The following CA3 variants were observed in gnomAD, a reference collection of about 807,000 sequenced individuals.
CA3 encodes the protein carbonic anhydrase 3.
A neutral mutation model predicts 35.7 loss-of-function variants in CA3; 30 were observed. The observed-to-expected ratio is 0.84, with a 90% CI of 0.63 to 1.14. The LOEUF (loss-of-function observed/expected upper bound fraction) is 1.14. CA3 is among the 50% of genes most tolerant of loss of function. The pLI is 0.00. For synonymous variants in CA3, 131 were observed against 130.8 expected (o/e 1.00, Z -0.01); for missense variants, 295 against 328.5 (o/e 0.90, Z 0.79).
chr8:85,448,222 C>A lies in CA3; in HGVS notation c.*69C>A. On this transcript the variant is annotated 3_prime_UTR_variant, in exon 7 of 7. Transcript: ENST00000285381. Reference sequence around the variant, plus strand: ...GGAGAGCTTGGTTCCTTGCCTCCTTCTGGTGCTCCTTACTCCAAGTCTATT... The same window carrying A: ...GGAGAGCTTGGTTCCTTGCCTCCTTATGGTGCTCCTTACTCCAAGTCTATT... The A allele has an allele frequency of 6.9e-7, 1 of 1,442,604 alleles. No homozygotes were observed. Among genetic ancestry groups the A allele is most frequent in the Non-Finnish European group, 9.2e-7 (1 of 1,084,060 alleles). 89.4% of individuals were successfully genotyped at this position (1,442,604 alleles called of 1,614,324 possible). A position where few individuals can be genotyped will look rare whatever the true frequency, so the allele number is the denominator to read the frequency against.
At chr8:85,440,313 C>T (rs556372895) in intron 2 of CA3, among the ~76,000 whole-genome samples, 1 of 152,258 alleles carries the variant, frequency 6.6e-6, no homozygotes, top group Non-Finnish European at 1.5e-5. Flanking sequence ...TCTACAAAGC[C>T]AGATATACAA....
chr8:85,448,297 C>A lies in CA3; in HGVS notation c.*144C>A. On this transcript the variant is annotated 3_prime_UTR_variant, in exon 7 of 7. Transcript: ENST00000285381. Reference sequence around the variant, plus strand: ...ATGTGAGAGATGTGGTCACCAAGATCTAAGTTACTTGTTGAAAGAAAGTTA... The same window carrying A: ...ATGTGAGAGATGTGGTCACCAAGATATAAGTTACTTGTTGAAAGAAAGTTA... 1.4e-6 allele frequency: 1 copy of A among 735,110 alleles called. No homozygotes were observed. The highest frequency in any genetic ancestry group is 2.0e-6 in the Non-Finnish European group (1 of 498,176). 45.5% of individuals were successfully genotyped at this position (735,110 alleles called of 1,614,324 possible). A position where few individuals can be genotyped will look rare whatever the true frequency, so the allele number is the denominator to read the frequency against.
rs1233390070 is a variant in CA3, at chr8:85,442,339, G to A, written c.351+148G>A. On this transcript the variant is annotated intron_variant, in intron 3 of 6. Transcript: ENST00000285381. Reference sequence around the variant, plus strand: ...GAGCTGTACTAGTTTTAGCTGAACTGAAGCTGCTGAACATTCTAGGCTAGA... The same window carrying A: ...GAGCTGTACTAGTTTTAGCTGAACTAAAGCTGCTGAACATTCTAGGCTAGA... 14 of 629,336 alleles carry A rather than the reference G, an allele frequency of 2.2e-5. 1 individual carries two copies. Among genetic ancestry groups the A allele is most frequent in the Non-Finnish European group, 2.9e-5 (10 of 348,178 alleles). 39.0% of individuals were successfully genotyped at this position (629,336 alleles called of 1,614,324 possible). A position where few individuals can be genotyped will look rare whatever the true frequency, so the allele number is the denominator to read the frequency against.
At chr8:85,441,791 T>C (rs977342528) in intron 2 of CA3, 2 of 381,474 alleles carry the variant, frequency 5.2e-6, no homozygotes, top group South Asian at 2.6e-5. Flanking sequence ...CCTCATTGTC[T>C]ATCTGTTGTT....
rs1334309021 is a variant in CA3, at chr8:85,438,892, G to GCAC, written c.-17_-15dup. The GCAC allele has an allele frequency of 1.3e-6, 2 of 1,550,862 alleles. No homozygotes were observed. The highest frequency in any genetic ancestry group is 1.7e-6 in the Non-Finnish European group (2 of 1,146,978). On this transcript the variant is annotated 5_prime_UTR_variant, in exon 1 of 7. Transcript: ENST00000285381. The stretch of plus-strand genomic sequence containing the variant: ...GGGAAGAGAAAGCAGGAGCCGTCCA[G>GCAC]CACGGAGGAAGGCGACCATGGCCAA...
At chr8:85,439,042 A>G in intron 1 of CA3, 99 bp downstream of exon 1, 1 of 1,179,826 alleles carries the variant, frequency 8.5e-7, no homozygotes, top group African/African-American at 1.5e-5. Context: ...TGCAGTGGAA[A>G]ATGTAGGAGT....
At chr8:85,445,044 T>A in intron 4 of CA3, 112 bp from the exon 5 acceptor site, 1 of 634,376 alleles carries the variant, frequency 1.6e-6, no homozygotes, top group Non-Finnish European at 2.8e-6. Flanking sequence ...CGAGATATTC[T>A]GGCAGATTTA....
intron 1 of CA3, among the ~76,000 whole-genome samples, chr8:85,439,391 G>A (rs758374632): frequency 6.6e-6 from 1 of 152,170 alleles, no homozygotes; most frequent in Non-Finnish European, 1.5e-5. Context: ...ATGCTCAAAT[G>A]TAGGTGGTCA....
At chr8:85,443,088 G>A (rs942825761) in intron 3 of CA3, among the ~76,000 whole-genome samples, 1 of 152,030 alleles carries the variant, frequency 6.6e-6, no homozygotes, top group African/African-American at 2.4e-5. Context: ...GCATATATAT[G>A]TGTGTGTGTA....
chr8:85,440,433 G>A (rs1020320790), intron 2 of CA3, among the ~76,000 whole-genome samples: 2 of 152,206 alleles, frequency 1.3e-5, no homozygotes, highest in Admixed American at 6.5e-5. Context: ...CAAGCCTTCA[G>A]TGGGGTTCAT....
intron 5 of CA3, among the ~76,000 whole-genome samples, chr8:85,445,854 A>T (rs181655091): frequency 5.1e-4 from 77 of 152,322 alleles, no homozygotes; most frequent in African/African-American, 1.8e-3. Flanking sequence ...CACTTGAGAT[A>T]TCAGTTTCTC....
chr8:85,445,167 G>A lies in CA3; in HGVS notation c.456G>A (p.Glu152=), dbSNP rs756251063. 9 of 1,605,880 alleles carry A rather than the reference G, an allele frequency of 5.6e-6. No homozygotes were observed. Among genetic ancestry groups the A allele is most frequent in the Admixed American group, 1.7e-5 (1 of 59,336 alleles). ...VIGIFLKIGH[E]NGEFQIFLDA... ...CTGTTTTCTTACAGATAGGACATGA[G>A]AATGGCGAGTTCCAGATTTTCCTTG... Residue 152 remains glutamate (E), a synonymous_variant, in exon 5 of 7, where the codon GAG becomes GAA. Coordinates refer to ENST00000285381, the MANE Select transcript of CA3 (RefSeq NM_005181.4).
Position 85,443,636 on chromosome 8 carries a change from T to C in CA3, c.352-398T>C, listed in dbSNP as rs190793940. ...TACAGATGCAGGCAAGGCTTTCAGT[T>C]TGACCTTTGCACATGGGATTATTTC... On this transcript the variant is annotated intron_variant, in intron 3 of 6. Transcript: ENST00000285381. Among the ~76,000 whole-genome samples, 850 of 152,312 alleles carry C rather than the reference T, an allele frequency of 5.6e-3. 8 individuals are homozygous for C. Among genetic ancestry groups the C allele is most frequent in the African/African-American group, 0.019 (803 of 41,578 alleles).
At chr8:85,442,352 A>G in intron 3 of CA3, 161 bp downstream of exon 3, 1 of 608,760 alleles carries the variant, frequency 1.6e-6, no homozygotes, top group African/African-American at 1.8e-5. Context: ...GCTGCTGAAC[A>G]TTCTAGGCTA....
At chr8:85,444,607 G>GT (rs1478335666) in intron 4 of CA3, among the ~76,000 whole-genome samples, 9 of 152,206 alleles carry the variant, frequency 5.9e-5, no homozygotes, top group Non-Finnish European at 7.3e-5. Context: ...CATGGAATGT[G>GT]TGTGTTGTTG....
In CA3 at chr8:85,442,131, G is replaced by A. The variant is rs1811216458; in HGVS notation, c.291G>A (p.Trp97Ter). The change falls in exon 3 of 7, where the codon TGG becomes TGA. Residue 97 changes from tryptophan to a stop codon, truncating the protein, a stop_gained. Transcript: ENST00000285381. LOFTEE classifies it high-confidence loss of function. ...GACTTCGCCAGTTTCATCTTCACTG[G>A]GGCTCTTCGGATGATCATGGCTCTG... ...PYRLRQFHLH[W>*]GSSDDHGSEH... 5 of 1,612,186 alleles carry A rather than the reference G, an allele frequency of 3.1e-6. No individual in the cohort carries two copies. The highest frequency in any genetic ancestry group is 3.4e-6 in the Non-Finnish European group (4 of 1,178,266).
chr8:85,442,319 G>A (rs1217696459), intron 3 of CA3, 128 bp downstream of exon 3: 24 of 680,500 alleles, frequency 3.5e-5, no homozygotes, highest in Non-Finnish European at 6.4e-5. Context: ...GAAAAGAGCT[G>A]TACTAGTTTT....
intron 5 of CA3, among the ~76,000 whole-genome samples, chr8:85,445,531 C>CAT (rs1237125819): frequency 1.2e-4 from 17 of 141,264 alleles, no homozygotes; most frequent in Admixed American, 1.1e-3. Flanking sequence ...CACACACACA[C>CAT]ACACACACAC....
At chr8:85,445,018 AT>A in intron 4 of CA3, 137 bp from the exon 5 acceptor site, 1 of 539,550 alleles carries the variant, frequency 1.9e-6, no homozygotes, top group Non-Finnish European at 3.3e-6. Context: ...AAATAAACTT[AT>A]GTTTTTGCTT....
Sources: gnomAD v4.1 joint callset for allele counts (sites outside exome capture counted in the v4.1 genomes callset) on GRCh38, gnomAD v4.1.1 for gene constraint, MANE v1.5 for transcripts, NCBI Gene and HGNC (gene_info 2026-07-23, HGNC 2026-07-21) for gene names.